CCDC171: variants seen among roughly 807,000 people sequenced by gnomAD.
CCDC171 encodes coiled-coil domain-containing protein 171.
CCDC171 carries 177 observed loss-of-function variants against 168.2 expected under a neutral mutation model. The observed-to-expected ratio is 1.05, with a 90% confidence interval of 0.93 to 1.19. CCDC171 has a LOEUF of 1.19. Among genes scored for constraint, CCDC171 ranks in the 50% most tolerant of loss-of-function variants. CCDC171 has a pLI of 0.00. For synonymous variants in CCDC171, 687 were observed against 540.8 expected (o/e 1.27, Z -3.75); for missense variants, 1,991 against 1,539.0 (o/e 1.29, Z -4.91).
chr9:15,804,335 T>C (rs568019007), intron 21 of CCDC171, among the ~76,000 whole-genome samples: 2 of 152,286 alleles, frequency 1.3e-5, no homozygotes, highest in East Asian at 3.9e-4. Flanking sequence ...TGCTTCCAGC[T>C]TTTGCTCATA....
intron 3 of CCDC171, among the ~76,000 whole-genome samples, chr9:16,013,290 A>G (rs1164379447): frequency 3.3e-5 from 5 of 152,080 alleles, no homozygotes; most frequent in Admixed American, 6.5e-5. Flanking sequence ...ATCATTATTT[A>G]TTCCCTGGAA....
At chr9:15,659,992 A>C (rs1212672351) in intron 8 of CCDC171, among the ~76,000 whole-genome samples, 6 of 152,140 alleles carry the variant, frequency 3.9e-5, no homozygotes, top group Non-Finnish European at 7.4e-5. Context: ...AAATTACTTA[A>C]TTTAATTTAC....
the CCDC171 span, among the ~76,000 whole-genome samples, chr9:16,090,151 C>T: frequency 6.6e-6 from 1 of 152,078 alleles, no homozygotes; most frequent in East Asian, 1.9e-4. Context: ...TTCACAATAG[C>T]AACGATTTGG....
At chr9:15,569,773 C>T (rs1176963435) in intron 2 of CCDC171, among the ~76,000 whole-genome samples, 1 of 151,212 alleles carries the variant, frequency 6.6e-6, no homozygotes, top group Non-Finnish European at 1.5e-5. Flanking sequence ...CGAGATCGTG[C>T]CACTGCACTC....
intron 21 of CCDC171, among the ~76,000 whole-genome samples, chr9:15,826,619 A>G (rs777083168): frequency 1.8e-4 from 28 of 152,186 alleles, no homozygotes; most frequent in Admixed American, 3.3e-4. Flanking sequence ...AACTAGGGAT[A>G]ATATGCTCAG....
At chr9:15,910,176 A>G (rs1193317660) in intron 24 of CCDC171, among the ~76,000 whole-genome samples, 1 of 6,586 alleles carries the variant, frequency 1.5e-4, no homozygotes, top group Non-Finnish European at 6.0e-4. Context: ...ATATGTGCAC[A>G]CACACACACA....
chr9:15,956,512 A>T (rs1056508428), intron 25 of CCDC171, among the ~76,000 whole-genome samples: 1 of 152,210 alleles, frequency 6.6e-6, no homozygotes, highest in Non-Finnish European at 1.5e-5. Flanking sequence ...AGCGTAGTTT[A>T]TATTACTTTT....
chr9:15,965,272 C>G (rs1240902594), intron 25 of CCDC171, among the ~76,000 whole-genome samples: 1 of 152,150 alleles, frequency 6.6e-6, no homozygotes. Flanking sequence ...CTTTTAGCCT[C>G]TAGCACAATC....
chr9:16,017,752 G>C (rs1196297289), intron 3 of CCDC171, among the ~76,000 whole-genome samples: 7 of 152,214 alleles, frequency 4.6e-5, no homozygotes, highest in East Asian at 3.9e-4. Flanking sequence ...AAATCAGTCA[G>C]GTTCAGTAGC....
intron 10 of CCDC171, among the ~76,000 whole-genome samples, chr9:15,691,544 T>TGATATA (rs1554762170): frequency 3.4e-5 from 3 of 87,792 alleles, no homozygotes; most frequent in Non-Finnish European, 6.9e-5. Context: ...AATATATGTT[T>TGATATA]TTTATATATA....
At chr9:15,656,116 G>A (rs1464793002) in intron 7 of CCDC171, among the ~76,000 whole-genome samples, 2 of 152,038 alleles carry the variant, frequency 1.3e-5, no homozygotes, top group African/African-American at 2.4e-5. Flanking sequence ...TCAGGAGATC[G>A]AGACCATCCT....
intron 3 of CCDC171, among the ~76,000 whole-genome samples, chr9:15,984,914 T>C (rs1831936298): frequency 6.6e-6 from 1 of 152,168 alleles, no homozygotes; most frequent in Admixed American, 6.6e-5. Context: ...ACCCAGTCTA[T>C]TGGTAATTTG....
chr9:16,078,707 C>T, the CCDC171 span, among the ~76,000 whole-genome samples: 2 of 151,912 alleles, frequency 1.3e-5, no homozygotes, highest in African/African-American at 4.8e-5. Flanking sequence ...ATTACATGAC[C>T]CCAGGATAAA....
intron 6 of CCDC171, among the ~76,000 whole-genome samples, chr9:15,620,533 T>C (rs544030825): frequency 3.3e-5 from 5 of 152,336 alleles, no homozygotes; most frequent in Non-Finnish European, 5.9e-5. Context: ...AAAACTTGAA[T>C]GGGTGAGGAG....
chr9:15,675,023 G>C lies in CCDC171; in HGVS notation c.1077-3735G>C, dbSNP rs546770522. Among the ~76,000 whole-genome samples, 5 of 152,162 alleles carry C rather than the reference G, an allele frequency of 3.3e-5. No individual in the cohort carries two copies. The South Asian group carries it at 1.0e-3, about 32-fold the overall frequency. On this transcript the variant is annotated intron_variant, in intron 9 of 25. Transcript: ENST00000380701. The stretch of plus-strand genomic sequence containing the variant: ...TCTCTTTGTAGGTCTCTAAGGACTT[G>C]CTTTATGAATCTGGGTGCTCCTGTA...
At chr9:15,831,749 T>C (rs1004113314) in intron 21 of CCDC171, among the ~76,000 whole-genome samples, 2 of 151,096 alleles carry the variant, frequency 1.3e-5, no homozygotes, top group African/African-American at 4.9e-5. Flanking sequence ...TGTAATATTA[T>C]TGAGTCAACT....
the CCDC171 span, among the ~76,000 whole-genome samples, chr9:16,096,495 G>A: frequency 1.3e-5 from 2 of 152,210 alleles, no homozygotes; most frequent in African/African-American, 4.8e-5. Flanking sequence ...TCTTTGGTTA[G>A]TATGTGCCTC....
At chr9:16,059,504 T>TC (rs1833896830) in intron 1 of CCDC171, among the ~76,000 whole-genome samples, 1 of 130,988 alleles carries the variant, frequency 7.6e-6, no homozygotes, top group Non-Finnish European at 1.7e-5. Flanking sequence ...TTTTTTTTTT[T>TC]CTTTTTTTTT....
intron 24 of CCDC171, among the ~76,000 whole-genome samples, chr9:15,901,025 T>C (rs1563965074): frequency 6.6e-6 from 1 of 152,184 alleles, no homozygotes. Flanking sequence ...CATATATACA[T>C]TCATTCCTTA....
Sources: allele counts gnomAD v4.1 joint callset (sites outside exome capture counted in the v4.1 genomes callset), GRCh38; gene constraint gnomAD v4.1.1; transcripts MANE v1.5; gene names NCBI Gene and HGNC (gene_info 2026-07-23, HGNC 2026-07-21).